Variants in PCDH15 observed in about 807,000 individuals in gnomAD.
The protein encoded by PCDH15 is protocadherin-15.
A neutral mutation model predicts 178.5 loss-of-function variants in PCDH15; 129 were observed. The ratio of observed to expected loss-of-function variants is 0.72; its 90% CI spans 0.63 to 0.84. The LOEUF is 0.84. Ranked by LOEUF, PCDH15 falls within the 40% of genes least tolerant of loss-of-function variation. PCDH15 has a pLI of 0.00. For synonymous variants in PCDH15, 800 were observed against 732.0 expected (o/e 1.09, Z -1.50); for missense variants, 2,230 against 2,099.9 (o/e 1.06, Z -1.21).
intron 3 of PCDH15, among the ~76,000 whole-genome samples, chr10:54,497,500 C>T (rs776884547): frequency 3.3e-5 from 5 of 151,956 alleles, no homozygotes; most frequent in African/African-American, 9.7e-5. Flanking sequence ...TGACATGTAA[C>T]CTCAGGAAGA....
chr10:55,551,610 TACAAA>T (rs1208247840), intron 2 of PCDH15, among the ~76,000 whole-genome samples: 1 of 151,834 alleles, frequency 6.6e-6, no homozygotes, highest in Non-Finnish European at 1.5e-5. Context: ...TAAAGTAGAT[TACAAA>T]ACAAATTAAC....
intron 1 of PCDH15, among the ~76,000 whole-genome samples, chr10:54,685,672 T>C (rs2135719664): frequency 6.6e-6 from 1 of 152,306 alleles, no homozygotes; most frequent in Middle Eastern, 3.4e-3. Flanking sequence ...GTCAAAAATA[T>C]TGTAAGTTAA....
At chr10:55,455,114 A>G (rs1425749869) in intron 2 of PCDH15, among the ~76,000 whole-genome samples, 2 of 152,138 alleles carry the variant, frequency 1.3e-5, no homozygotes, top group African/African-American at 4.8e-5. Flanking sequence ...TGGTCTTTGA[A>G]TAAGAAAATC....
intron 13 of PCDH15, among the ~76,000 whole-genome samples, chr10:54,168,460 C>T (rs1219130483): frequency 2.6e-5 from 4 of 152,092 alleles, no homozygotes; most frequent in African/African-American, 4.8e-5. Context: ...GAGCTAGGTC[C>T]CAATTCTTCC....
At chr10:54,354,838 A>G (rs2134328175) in intron 5 of PCDH15, among the ~76,000 whole-genome samples, 1 of 152,268 alleles carries the variant, frequency 6.6e-6, no homozygotes, top group African/African-American at 2.4e-5. Context: ...TCTGATAAAA[A>G]CAGATGTTCA....
At chr10:55,530,376 A>G (rs1402171430) in intron 2 of PCDH15, among the ~76,000 whole-genome samples, 1 of 151,932 alleles carries the variant, frequency 6.6e-6, no homozygotes. Flanking sequence ...AAAAAAATTC[A>G]TATACTCTTG....
chr10:55,135,209 T>C (rs1006933642), intron 2 of PCDH15, among the ~76,000 whole-genome samples: 1 of 152,146 alleles, frequency 6.6e-6, no homozygotes, highest in Admixed American at 6.5e-5. Flanking sequence ...TCAACTAGTA[T>C]CATAATAAGA....
intron 15 of PCDH15, among the ~76,000 whole-genome samples, chr10:54,097,886 C>T (rs1297081020): frequency 6.6e-6 from 1 of 152,160 alleles, no homozygotes; most frequent in African/African-American, 2.4e-5. Context: ...TGGCTTCTCC[C>T]TGATTTATTA....
At chr10:54,603,744 T>C (rs994597940) in intron 2 of PCDH15, among the ~76,000 whole-genome samples, 3 of 151,928 alleles carry the variant, frequency 2.0e-5, no homozygotes, top group Non-Finnish European at 4.4e-5. Flanking sequence ...CATGTTGGAT[T>C]AGCATTTAAG....
rs115849542 is a variant in PCDH15 at position 54,881,754 on chromosome 10, A to G, written c.-29+15696T>C. Among the ~76,000 whole-genome samples the G allele has an allele frequency of 8.8e-3, 1,338 of 152,270 alleles. 14 individuals carry two copies. The highest frequency in any genetic ancestry group is 0.03 in the African/African-American group (1,247 of 41,560). On this transcript the variant is annotated intron_variant, in intron 3 of 5. Coordinates refer to the PCDH15 transcript ENST00000458638. ...TTTAAAGATTACATTGAATTAGATAATAAATTGAAATCATAGTCAATAGAC... is the reference window on the plus strand; with the variant it reads ...TTTAAAGATTACATTGAATTAGATAGTAAATTGAAATCATAGTCAATAGAC...
At chr10:54,942,910 T>C (rs189353758) in intron 2 of PCDH15, among the ~76,000 whole-genome samples, 8 of 152,122 alleles carry the variant, frequency 5.3e-5, no homozygotes, top group East Asian at 1.9e-4. Flanking sequence ...TGTCATACTT[T>C]ATGGCAATGC....
chr10:55,329,880 G>A (rs1844151369), intron 2 of PCDH15, among the ~76,000 whole-genome samples: 1 of 151,628 alleles, frequency 6.6e-6, no homozygotes, highest in Non-Finnish European at 1.5e-5. Flanking sequence ...GACCTATTAA[G>A]GTGACAAATA....
At chr10:55,293,388 C>T (rs2132270575) in intron 1 of PCDH15, among the ~76,000 whole-genome samples, 1 of 152,320 alleles carries the variant, frequency 6.6e-6, no homozygotes, top group Middle Eastern at 3.4e-3. Flanking sequence ...ACATTTTCCC[C>T]ATTTCTTGGG....
chr10:54,841,070 C>A (rs760875766), intron 3 of PCDH15, among the ~76,000 whole-genome samples: 1 of 151,756 alleles, frequency 6.6e-6, no homozygotes, highest in African/African-American at 2.4e-5. Context: ...CCAAATTGAG[C>A]TAACACACAT....
rs563344831 is a variant in PCDH15, at chr10:54,865,509, A to C, written c.-29+31941T>G. On this transcript the variant is annotated intron_variant, in intron 3 of 5. Transcript: ENST00000458638. ...GCCTATTGTGAGACTTTGCTTTTTAATCATATGAGTTAAGTATTCTTAATA... is the reference window on the plus strand; with the variant it reads ...GCCTATTGTGAGACTTTGCTTTTTACTCATATGAGTTAAGTATTCTTAATA... Among the ~76,000 whole-genome samples, 25 of 152,212 alleles carry C rather than the reference A, an allele frequency of 1.6e-4. No individual in the cohort carries two copies. The South Asian group carries it at 4.8e-3, about 29-fold the overall frequency.
intron 2 of PCDH15, among the ~76,000 whole-genome samples, chr10:55,337,217 G>A (rs752902272): frequency 6.6e-6 from 1 of 152,202 alleles, no homozygotes; most frequent in Non-Finnish European, 1.5e-5. Flanking sequence ...AGAAGAGTGG[G>A]TTGGGTTGGA....
intron 3 of PCDH15, among the ~76,000 whole-genome samples, chr10:54,897,119 C>G (rs1338602629): frequency 6.6e-6 from 1 of 152,280 alleles, no homozygotes; most frequent in East Asian, 1.9e-4. Context: ...GTATGAATTG[C>G]TGCATGACAG....
chr10:54,309,077 GA>G (rs1275221633), intron 8 of PCDH15, among the ~76,000 whole-genome samples: 2 of 151,930 alleles, frequency 1.3e-5, no homozygotes, highest in Non-Finnish European at 2.9e-5. Context: ...CATATCCACA[GA>G]AAAAATTTTG....
intron 19 of PCDH15, among the ~76,000 whole-genome samples, chr10:54,021,932 C>T (rs2092932811): frequency 6.6e-6 from 1 of 151,842 alleles, no homozygotes; most frequent in Middle Eastern, 3.2e-3. Context: ...AATAACTTAA[C>T]TAATTAATTA....
Sources: allele counts gnomAD v4.1 joint callset (sites outside exome capture counted in the v4.1 genomes callset), GRCh38; gene constraint gnomAD v4.1.1; transcripts MANE v1.5; gene names NCBI Gene and HGNC (gene_info 2026-07-23, HGNC 2026-07-21).